SCML2: variants seen among roughly 807,000 people sequenced by gnomAD.
SCML2 encodes the protein Scm polycomb group protein like 2.
In SCML2, 6 loss-of-function variants were observed where a neutral mutation model predicts 48.4. That is an observed-to-expected ratio of 0.12 (90% confidence interval 0.07 to 0.24). The LOEUF (loss-of-function observed/expected upper bound fraction) is 0.24. Among genes scored for constraint, SCML2 ranks in the 10% least tolerant of loss-of-function variants. The pLI, the probability that SCML2 is intolerant of heterozygous loss-of-function variation, is 1.00. For synonymous variants in SCML2, 181 were observed against 189.5 expected (o/e 0.95, Z 0.37); for missense variants, 377 against 528.2 (o/e 0.71, Z 2.81).
chrX:18,340,848 G>A (rs1484801012), intron 1 of SCML2, among the ~76,000 whole-genome samples: 1 of 108,226 alleles, frequency 9.2e-6, no homozygotes, highest in Non-Finnish European at 1.9e-5. Context: ...AATAAAATGT[G>A]ATAAACAATA....
At chrX:18,343,938 AAAAAG>A (rs1373562240) in intron 1 of SCML2, among the ~76,000 whole-genome samples, 28 of 106,304 alleles carry the variant, frequency 2.6e-4, no homozygotes, top group Non-Finnish European at 4.4e-4. Context: ...AAAAAAAAAA[AAAAAG>A]AAAGAAAGAA....
chrX:18,276,786 C>T (rs1927656740), intron 7 of SCML2, among the ~76,000 whole-genome samples: 1 of 111,003 alleles, frequency 9.0e-6, no homozygotes, highest in Non-Finnish European at 1.9e-5. Context: ...TAGGTAAATC[C>T]ATAGAGACAG....
chrX:18,245,651 C>T (rs1233825296), intron 13 of SCML2, among the ~76,000 whole-genome samples: 1 of 112,193 alleles, frequency 8.9e-6, no homozygotes, highest in Non-Finnish European at 1.9e-5. Flanking sequence ...CACTTATTCC[C>T]ACCCTCACTC....
At position 18,265,578 on chromosome X, in the gene SCML2, A is replaced by G. The variant is rs767312934; in HGVS notation, c.948+7T>C. The G allele has an allele frequency of 3.4e-6, 4 of 1,193,446 alleles. No individual in the cohort carries two copies. The highest frequency in any genetic ancestry group is 4.5e-6 in the Non-Finnish European group (4 of 881,174). ...TATAATACAAATTAGGAGGACATAC[A>G]ACTAACCTTTTTTCCTGAGTTTGGA... is the stretch of plus-strand genomic sequence containing the variant. On this transcript the variant is annotated splice_region_variant and intron_variant, in intron 8 of 14. Transcript: ENST00000251900.
At chrX:18,348,695 T>C (rs1036976692) in intron 1 of SCML2, among the ~76,000 whole-genome samples, 5 of 111,965 alleles carry the variant, frequency 4.5e-5, no homozygotes, top group Non-Finnish European at 7.5e-5. Context: ...TAATACTGAC[T>C]ATATTGCTTT....
chrX:18,264,299 CCA>C (rs1188090974), intron 8 of SCML2, among the ~76,000 whole-genome samples: 3 of 111,346 alleles, frequency 2.7e-5, no homozygotes, highest in Non-Finnish European at 5.7e-5. Flanking sequence ...CCTGTCATCT[CCA>C]GTCAATTCTG....
chrX:18,352,638 T>C (rs1380338905), intron 1 of SCML2, among the ~76,000 whole-genome samples: 2 of 111,981 alleles, frequency 1.8e-5, no homozygotes, highest in Non-Finnish European at 3.8e-5. Flanking sequence ...GCACACGTAG[T>C]GGGCTCTGAA....
intron 11 of SCML2, 153 bp from the exon 12 acceptor site, chrX:18,248,035 T>C: frequency 4.7e-6 from 2 of 428,770 alleles, no homozygotes; most frequent in Non-Finnish European, 8.1e-6. Flanking sequence ...ATGAATAACA[T>C]GTGTCTATTT....
At chrX:18,263,674 G>T (rs994129570) in intron 8 of SCML2, among the ~76,000 whole-genome samples, 8 of 111,686 alleles carry the variant, frequency 7.2e-5, no homozygotes, top group Admixed American at 6.7e-4. Context: ...TAAATTATAT[G>T]AAGAAAACTA....
intron 1 of SCML2, among the ~76,000 whole-genome samples, chrX:18,351,269 CA>C (rs377260885): frequency 3.7e-4 from 34 of 90,819 alleles, no homozygotes; most frequent in South Asian, 5.0e-4. Context: ...GAGCCCATCT[CA>C]AAAAAAAAAA....
chrX:18,247,314 T>C (rs1473379293), intron 12 of SCML2, among the ~76,000 whole-genome samples: 1 of 111,892 alleles, frequency 8.9e-6, no homozygotes, highest in Admixed American at 9.5e-5. Context: ...ATATCACCTA[T>C]ATTTTTCATA....
At chrX:18,279,109 TG>T (rs1404714350) in intron 7 of SCML2, among the ~76,000 whole-genome samples, 1 of 112,499 alleles carries the variant, frequency 8.9e-6, no homozygotes, top group African/African-American at 3.2e-5. Flanking sequence ...GGAGCAGACC[TG>T]GGAGGGGACC....
At chrX:18,309,060 A>G (rs1928858725) in intron 6 of SCML2, among the ~76,000 whole-genome samples, 1 of 109,914 alleles carries the variant, frequency 9.1e-6, no homozygotes, top group Admixed American at 9.8e-5. Flanking sequence ...AATACAAAAA[A>G]TTTGCCAGGC....
At chrX:18,304,016 T>C (rs1470481600) in intron 7 of SCML2, among the ~76,000 whole-genome samples, 4 of 112,409 alleles carry the variant, frequency 3.6e-5, no homozygotes, top group African/African-American at 1.3e-4. Flanking sequence ...TATGTTTATA[T>C]TCAATCCCAC....
chrX:18,343,504 G>A (rs1445721642), intron 1 of SCML2, among the ~76,000 whole-genome samples: 1 of 110,967 alleles, frequency 9.0e-6, no homozygotes, highest in East Asian at 2.8e-4. Flanking sequence ...GTTCACGCCT[G>A]TAACACAGCA....
In SCML2 at chrX:18,307,377, C is replaced by A. The variant is rs182003762; in HGVS notation, c.487-2162G>T. 3.2e-3 allele frequency among the ~76,000 whole-genome samples: 355 copies of A among 111,382 alleles called. 2 individuals are homozygous for A. The highest frequency in any genetic ancestry group is 0.031 in the Admixed American group (328 of 10,493). On this transcript the variant is annotated intron_variant, in intron 6 of 14. Transcript: ENST00000251900. ...TGATAAATAGCTGGTAAGTAAGAAG[C>A]AGTGTTACATGAAAGGGCTAAAGGT...
intron 13 of SCML2, 74 bp downstream of exon 13, chrX:18,246,503 C>T: frequency 9.2e-7 from 1 of 1,084,988 alleles, no homozygotes; most frequent in Admixed American, 2.8e-5. Context: ...GTGATACTCT[C>T]AGGGGATGCT....
At chrX:18,353,207 T>C (rs1405913372) in intron 1 of SCML2, among the ~76,000 whole-genome samples, 1 of 109,892 alleles carries the variant, frequency 9.1e-6, no homozygotes, top group Non-Finnish European at 1.9e-5. Flanking sequence ...TAATGAGTAA[T>C]TAAGAAAAAT....
chrX:18,303,144 GA>G (rs1476905401), intron 7 of SCML2, among the ~76,000 whole-genome samples: 1 of 111,032 alleles, frequency 9.0e-6, no homozygotes, highest in South Asian at 3.9e-4. Flanking sequence ...GAAGGAAAAG[GA>G]AAGGACATGC....
Sources: gnomAD v4.1 joint callset for allele counts (sites outside exome capture counted in the v4.1 genomes callset) on GRCh38, gnomAD v4.1.1 for gene constraint, MANE v1.5 for transcripts, NCBI Gene and HGNC (gene_info 2026-07-23, HGNC 2026-07-21) for gene names.